Variants in RGS18 observed in about 807,000 individuals in gnomAD.
RGS18 encodes regulator of G protein signaling 18.
Under a neutral mutation model 27.6 loss-of-function variants are expected in RGS18, and 22 were observed. That is an observed-to-expected ratio of 0.80 (90% confidence interval 0.57 to 1.14). The LOEUF (loss-of-function observed/expected upper bound fraction) is 1.14, where lower values mean the gene tolerates loss of function less well. RGS18 is among the 50% of genes most tolerant of loss of function. The pLI is 0.00. For synonymous variants in RGS18, 89 were observed against 84.6 expected (o/e 1.05, Z -0.29); for missense variants, 299 against 269.6 (o/e 1.11, Z -0.76).
At chr1:192,170,505 G>A (rs1421284114) in intron 3 of RGS18, among the ~76,000 whole-genome samples, 1 of 152,056 alleles carries the variant, frequency 6.6e-6, no homozygotes, top group African/African-American at 2.4e-5. Flanking sequence ...AAGCAGAGCT[G>A]ATGAGCCATG....
chr1:192,160,841 TTTTG>T (rs904160647), intron 3 of RGS18, among the ~76,000 whole-genome samples: 7 of 152,154 alleles, frequency 4.6e-5, no homozygotes, highest in African/African-American at 7.2e-5. Context: ...ACACAGTTTT[TTTTG>T]TTTGTTTGTT....
At chr1:192,161,695 T>C (rs1051410507) in intron 3 of RGS18, among the ~76,000 whole-genome samples, 48 of 152,156 alleles carry the variant, frequency 3.2e-4, no homozygotes, top group Admixed American at 3.1e-3. Context: ...CAGACTACTC[T>C]AACTACTCCT....
chr1:192,184,814 A>T lies in RGS18; in HGVS notation c.*260A>T, dbSNP rs568973457. 4.1e-4 allele frequency: 152 copies of T among 373,814 alleles called. No homozygotes were observed. The highest frequency in any genetic ancestry group is 3.0e-3 in the Middle Eastern group (4 of 1,326). The allele number at this position is 373,814 out of a possible 1,614,324, so 23.2% of individuals were successfully genotyped here. A position where few individuals can be genotyped will look rare whatever the true frequency, so the allele number is the denominator to read the frequency against. On this transcript the variant is annotated 3_prime_UTR_variant, in exon 5 of 5. Transcript: ENST00000367460. The stretch of plus-strand genomic sequence containing the variant: ...TCTTAATCAAAAGGCAGTACAAAAA[A>T]AGTAATAATGTTTTATAAGATTGTA...
intron 3 of RGS18, among the ~76,000 whole-genome samples, chr1:192,180,087 G>A (rs967228744): frequency 5.9e-5 from 9 of 151,584 alleles, no homozygotes; most frequent in African/African-American, 2.2e-4. Flanking sequence ...AGTTGAAAGA[G>A]CGTTTTTGAA....
At chr1:192,160,943 C>G (rs1410942169) in intron 3 of RGS18, among the ~76,000 whole-genome samples, 1 of 152,180 alleles carries the variant, frequency 6.6e-6, no homozygotes, top group African/African-American at 2.4e-5. Flanking sequence ...AGCTCCGCCT[C>G]CGTTCAGGCC....
chr1:192,179,690 A>G lies in RGS18; in HGVS notation c.284-1602A>G, dbSNP rs144683338. Among the ~76,000 whole-genome samples the G allele has an allele frequency of 8.0e-4, 122 of 151,782 alleles. No individual in the cohort carries two copies. The East Asian group carries it at 0.021, about 26-fold the overall frequency. On this transcript the variant is annotated intron_variant, in intron 3 of 4. Transcript: ENST00000367460. ...ATCTCCAGAGAATCAGGCTGTGTGG[A>G]AAATAGAAACATCTAAAACAACATA...
chr1:192,170,004 A>G (rs142596746), intron 3 of RGS18, among the ~76,000 whole-genome samples: 52 of 152,296 alleles, frequency 3.4e-4, no homozygotes, highest in African/African-American at 1.2e-3. Flanking sequence ...CCATTATCTT[A>G]AATATTTATT....
At chr1:192,176,258 C>T (rs912303789) in intron 3 of RGS18, among the ~76,000 whole-genome samples, 1 of 151,792 alleles carries the variant, frequency 6.6e-6, no homozygotes, top group Non-Finnish European at 1.5e-5. Flanking sequence ...CTGTCCCACA[C>T]CCTTCTGCAT....
At chr1:192,162,935 T>C (rs1404099573) in intron 3 of RGS18, among the ~76,000 whole-genome samples, 1 of 152,244 alleles carries the variant, frequency 6.6e-6, no homozygotes, top group African/African-American at 2.4e-5. Context: ...TCTTTTCATC[T>C]GTGGATTCCT....
rs1035190254 is a variant in RGS18 at position 192,167,897 on chromosome 1, T to C, written c.283+7458T>C. 1.8e-4 allele frequency: 27 copies of C among 152,234 alleles called. 1 individual carries two copies. The highest frequency in any genetic ancestry group is 6.5e-4 in the African/African-American group (27 of 41,472). 9.4% of individuals were successfully genotyped at this position (152,234 alleles called of 1,614,324 possible). A position where few individuals can be genotyped will look rare whatever the true frequency, so the allele number is the denominator to read the frequency against. ...ATGCAACTTATTACTTCGGATATTA[T>C]ATGGTACTTGGGTTTCCAACTTCAG... On this transcript the variant is annotated intron_variant, in intron 3 of 4. Coordinates refer to ENST00000367460, the MANE Select transcript of RGS18 (RefSeq NM_130782.3).
intron 2 of RGS18, among the ~76,000 whole-genome samples, chr1:192,159,539 C>T (rs1314164691): frequency 6.6e-6 from 1 of 152,086 alleles, no homozygotes; most frequent in Non-Finnish European, 1.5e-5. Context: ...TAAAGCTGCT[C>T]TTTTAAAATT....
chr1:192,166,745 T>C (rs1656169725), intron 3 of RGS18, among the ~76,000 whole-genome samples: 2 of 152,104 alleles, frequency 1.3e-5, no homozygotes, highest in African/African-American at 4.8e-5. Flanking sequence ...AGATGCGAAA[T>C]AGAGGAGGAT....
chr1:192,168,862 T>C (rs1487840223), intron 3 of RGS18: 1 of 152,160 alleles, frequency 6.6e-6, no homozygotes, highest in Non-Finnish European at 1.5e-5. Flanking sequence ...TAAGATTTAA[T>C]GCAAGTTAAC....
At chr1:192,179,115 G>T (rs750682719) in intron 3 of RGS18, among the ~76,000 whole-genome samples, 1 of 151,502 alleles carries the variant, frequency 6.6e-6, no homozygotes, top group Non-Finnish European at 1.5e-5. Context: ...CACACAGTAT[G>T]AACTAGGAGA....
chr1:192,175,278 C>A (rs529986413), intron 3 of RGS18, among the ~76,000 whole-genome samples: 49 of 151,236 alleles, frequency 3.2e-4, no homozygotes, highest in African/African-American at 1.2e-3. Context: ...ATTTTATCAA[C>A]AAACAAAATA....
intron 3 of RGS18, among the ~76,000 whole-genome samples, chr1:192,166,598 T>C (rs538931128): frequency 4.6e-5 from 7 of 151,934 alleles, no homozygotes; most frequent in Non-Finnish European, 1.0e-4. Context: ...AAAAAATGGA[T>C]AAACTTAGTG....
intron 1 of RGS18, 48 bp downstream of exon 1, chr1:192,158,804 T>C (rs1165023811): frequency 2.3e-6 from 3 of 1,283,536 alleles, no homozygotes; most frequent in Non-Finnish European, 3.3e-6. Flanking sequence ...AAAAGCATAA[T>C]TGAGGTTGAA....
In RGS18 at chr1:192,183,766, T is replaced by A. The variant is rs1313989834; in HGVS notation, c.451-531T>A. On this transcript the variant is annotated intron_variant, in intron 4 of 4. Transcript: ENST00000367460. ...ATGGAATATTCAGCCACAGAAAGAA[T>A]AATGTTTTTGATACATGCTAAAAAA... 5.3e-5 allele frequency among the ~76,000 whole-genome samples: 8 copies of A among 151,748 alleles called. No homozygotes were observed. The East Asian group carries it at 1.6e-3, about 30-fold the overall frequency.
chr1:192,177,584 A>G (rs1461567666), intron 3 of RGS18, among the ~76,000 whole-genome samples: 8 of 151,740 alleles, frequency 5.3e-5, no homozygotes, highest in African/African-American at 1.9e-4. Context: ...TTTTAAGTTT[A>G]CCCGGCACAG....
Sources: gnomAD v4.1 joint callset for allele counts (sites outside exome capture counted in the v4.1 genomes callset) on GRCh38, gnomAD v4.1.1 for gene constraint, MANE v1.5 for transcripts, NCBI Gene and HGNC (gene_info 2026-07-23, HGNC 2026-07-21) for gene names.